RARS2: variants seen among roughly 807,000 people sequenced by gnomAD.
RARS2 encodes arginyl-tRNA synthetase 2, mitochondrial.
In RARS2, 67 loss-of-function variants were observed where a neutral mutation model predicts 88.5. The observed-to-expected ratio is 0.76, with a 90% CI of 0.62 to 0.93. The LOEUF is 0.93. RARS2 is among the 40% of genes least tolerant of loss of function. RARS2 has a pLI of 0.00. For synonymous variants in RARS2, 239 were observed against 230.3 expected, an observed-to-expected ratio of 1.04 and a Z score of -0.34; for missense variants, 664 against 684.2, an observed-to-expected ratio of 0.97 and a Z score of 0.33.
intron 2 of RARS2, among the ~76,000 whole-genome samples, chr6:87,565,826 C>A (rs1183875759): frequency 6.6e-6 from 1 of 152,178 alleles, no homozygotes; most frequent in Non-Finnish European, 1.5e-5. Context: ...TTATCCAGCC[C>A]ATCTGTCACT....
intron 5 of RARS2, among the ~76,000 whole-genome samples, chr6:87,551,748 C>T (rs1323064662): frequency 6.6e-6 from 1 of 152,024 alleles, no homozygotes; most frequent in East Asian, 1.9e-4. Context: ...ACCCTGACCT[C>T]CACAATTCTC....
intron 1 of RARS2, among the ~76,000 whole-genome samples, chr6:87,571,042 C>T (rs1379645754): frequency 6.6e-6 from 1 of 152,168 alleles, no homozygotes; most frequent in East Asian, 1.9e-4. Flanking sequence ...AGAACCTATA[C>T]TCAACCCCTA....
At chr6:87,547,780 C>T (rs1341638935) in intron 6 of RARS2, among the ~76,000 whole-genome samples, 1 of 151,880 alleles carries the variant, frequency 6.6e-6, no homozygotes, top group Non-Finnish European at 1.5e-5. Flanking sequence ...GCTGGGATTA[C>T]AGGTGCACAC....
chr6:87,531,308 C>T (rs1368079083), intron 8 of RARS2, among the ~76,000 whole-genome samples: 1 of 152,154 alleles, frequency 6.6e-6, no homozygotes, highest in Non-Finnish European at 1.5e-5. Flanking sequence ...CCACAGATCC[C>T]CAGGGTAAGA....
chr6:87,583,382 G>A (rs1774179969), intron 1 of RARS2, among the ~76,000 whole-genome samples: 1 of 152,156 alleles, frequency 6.6e-6, no homozygotes, highest in Non-Finnish European at 1.5e-5. Flanking sequence ...CTGAGGTCGG[G>A]AGTTTGAGAC....
intron 1 of RARS2, among the ~76,000 whole-genome samples, chr6:87,574,420 G>A (rs1220514295): frequency 1.3e-5 from 2 of 152,202 alleles, no homozygotes; most frequent in African/African-American, 4.8e-5. Flanking sequence ...CAAAGGTGAG[G>A]TAAGCCAAAA....
chr6:87,584,978 T>C (rs1182180519), intron 1 of RARS2, among the ~76,000 whole-genome samples: 1 of 152,154 alleles, frequency 6.6e-6, no homozygotes, highest in African/African-American at 2.4e-5. Flanking sequence ...TTAAGTACTA[T>C]AAACAGTAAA....
intron 7 of RARS2, 99 bp downstream of exon 7, chr6:87,545,517 C>A: frequency 1.4e-6 from 2 of 1,462,388 alleles, no homozygotes; most frequent in Non-Finnish European, 1.9e-6. Context: ...GGACATACTA[C>A]TTCATCCAAT....
intron 17 of RARS2, 80 bp from the exon 18 acceptor site, chr6:87,516,960 A>C: frequency 1.3e-6 from 2 of 1,586,864 alleles, no homozygotes. Context: ...GATTGTGAAT[A>C]TAAGGTTGAC....
intron 5 of RARS2, among the ~76,000 whole-genome samples, chr6:87,553,352 C>T (rs1784913920): frequency 6.6e-6 from 1 of 152,156 alleles, no homozygotes; most frequent in Non-Finnish European, 1.5e-5. Flanking sequence ...CCCTCTCTCC[C>T]CATTTCCTAA....
At chr6:87,525,096 G>C (rs1324036753) in intron 10 of RARS2, among the ~76,000 whole-genome samples, 2 of 152,140 alleles carry the variant, frequency 1.3e-5, no homozygotes, top group Admixed American at 6.5e-5. Flanking sequence ...TTTGGAATCT[G>C]TATATGACAA....
intron 3 of RARS2, 28 bp downstream of exon 3, chr6:87,564,102 T>C: frequency 9.9e-6 from 15 of 1,516,860 alleles, no homozygotes; most frequent in Non-Finnish European, 1.4e-5. Context: ...TATTACAATG[T>C]CAAAAAGAGA....
rs879902364 is a variant in RARS2 at position 87,516,978 on chromosome 6, G to C, written c.1512-98C>G. 13 of 1,541,424 alleles carry C rather than the reference G, an allele frequency of 8.4e-6. No homozygotes were observed. The South Asian group carries it at 1.5e-4, about 18-fold the overall frequency. On this transcript the variant is annotated intron_variant, in intron 17 of 19. Coordinates refer to ENST00000369536, the MANE Select transcript of RARS2 (RefSeq NM_020320.5). ...TGTGAATATAAGGTTGACTCGACAC[G>C]ATTAAGAGTAGAAGGTATGGCCAGG... is the stretch of plus-strand genomic sequence containing the variant.
rs78975491 is a variant in RARS2 at position 87,559,848 on chromosome 6, A to G, written c.297+2854T>C. 9.6e-3 allele frequency among the ~76,000 whole-genome samples: 1,467 copies of G among 152,300 alleles called. 12 individuals are homozygous for G. The highest frequency in any genetic ancestry group is 0.034 in the African/African-American group (1,408 of 41,562). Reference sequence around the variant, plus strand: ...ACTTCCAGTCCTGCAAGCTCCATTCATGGTAAATACAGGTATAGCATCTTT... The same window carrying G: ...ACTTCCAGTCCTGCAAGCTCCATTCGTGGTAAATACAGGTATAGCATCTTT... On this transcript the variant is annotated intron_variant, in intron 4 of 19. Transcript: ENST00000369536.
chr6:87,530,685 A>G, intron 9 of RARS2, 99 bp downstream of exon 9: 4 of 1,483,180 alleles, frequency 2.7e-6, no homozygotes, highest in East Asian at 2.3e-5. Context: ...CTACAAATCT[A>G]TTTTTAAAAC....
At chr6:87,551,574 G>C (rs1187601975) in intron 5 of RARS2, among the ~76,000 whole-genome samples, 1 of 121,464 alleles carries the variant, frequency 8.2e-6, no homozygotes, top group African/African-American at 3.2e-5. Flanking sequence ...AGGCTGCAAT[G>C]AATCATGCCA....
intron 17 of RARS2, among the ~76,000 whole-genome samples, chr6:87,517,859 T>G (rs1562051703): frequency 6.6e-6 from 1 of 152,150 alleles, no homozygotes; most frequent in East Asian, 1.9e-4. Flanking sequence ...AAGAAGATGC[T>G]CTTTCTCAAA....
chr6:87,520,252 T>C lies in RARS2; in HGVS notation c.1040A>G (p.Asp347Gly). The C allele has an allele frequency of 6.2e-7, 1 of 1,605,180 alleles. No homozygotes were observed. Among genetic ancestry groups the C allele is most frequent in the Non-Finnish European group, 8.5e-7 (1 of 1,172,530 alleles). ...CTGAAAATGCTTTTTTTGTCCTTTA[T>C]CTGTCTTGGGAAGAAAATATATATA... The part of the protein sequence containing the change: ...YNFDTMIYVT[D>G]KGQKKHFQQV... Residue 347 changes from aspartate to glycine, a missense_variant, in exon 13 of 20, where the codon GAT (aspartate) becomes GGT (glycine). Transcript: ENST00000369536.
rs199877399 is a variant in RARS2, at chr6:87,545,590, A to G, written c.535+26T>C. ...ACAAATTGAATTTTACAATGAAATG[A>G]AAAATAAAATCTCAAGTGTACTTAC... On this transcript the variant is annotated intron_variant, in intron 7 of 19. Coordinates refer to ENST00000369536, the MANE Select transcript of RARS2 (RefSeq NM_020320.5). 24 of 1,613,238 alleles carry G rather than the reference A, an allele frequency of 1.5e-5. No individual in the cohort carries two copies. In the East Asian group the frequency reaches 5.1e-4, roughly 35 times the overall value.
Sources: gnomAD v4.1 joint callset for allele counts (sites outside exome capture counted in the v4.1 genomes callset) on GRCh38, gnomAD v4.1.1 for gene constraint, MANE v1.5 for transcripts, NCBI Gene and HGNC (gene_info 2026-07-23, HGNC 2026-07-21) for gene names.